Variants in DAB1 observed in about 807,000 individuals in gnomAD.
DAB1 encodes DAB adaptor protein 1, also known as disabled homolog 1.
Under a neutral mutation model 64.6 loss-of-function variants are expected in DAB1, and 15 were observed. That is an observed-to-expected ratio of 0.23 (90% CI 0.16 to 0.36). The LOEUF (loss-of-function observed/expected upper bound fraction) is 0.36, where lower values mean the gene tolerates loss of function less well. Among genes scored for constraint, DAB1 ranks in the 10% least tolerant of loss-of-function variants. DAB1 has a pLI of 1.00. For synonymous variants in DAB1, 235 were observed against 251.9 expected (o/e 0.93, Z 0.64); for missense variants, 596 against 706.7 (o/e 0.84, Z 1.78).
At chr1:57,852,523 T>C (rs1434398544) in intron 1 of DAB1, among the ~76,000 whole-genome samples, 2 of 152,068 alleles carry the variant, frequency 1.3e-5, no homozygotes, top group African/African-American at 4.8e-5. Context: ...ACATCACCAC[T>C]GGCAGAAGAA....
intron 6 of DAB1, among the ~76,000 whole-genome samples, chr1:57,818,359 C>T (rs1651964651): frequency 6.6e-6 from 1 of 152,192 alleles, no homozygotes; most frequent in Non-Finnish European, 1.5e-5. Context: ...TGTCCCTAAA[C>T]ATTTCTCTAC....
chr1:57,140,302 T>A (rs149058097), intron 3 of DAB1, among the ~76,000 whole-genome samples: 1 of 152,176 alleles, frequency 6.6e-6, no homozygotes, highest in Non-Finnish European at 1.5e-5. Context: ...TTAGTCAATA[T>A]CACAATCCTG....
chr1:57,193,381 G>GTTTTTTTTTTTTTTT lies in DAB1; in HGVS notation c.68-47967_68-47953dup, dbSNP rs999329119. ...CCTTCCAGATTCATCCGTAGCATATGTTTTTTTTTTTTTTTTTTTTTTTGA... is the reference window on the plus strand; with the variant it reads ...CCTTCCAGATTCATCCGTAGCATATGTTTTTTTTTTTTTTTTTTTTTTTTTTTTTTTTTTTTTTGA... On this transcript the variant is annotated intron_variant, in intron 2 of 14. Coordinates refer to ENST00000371236, the MANE Select transcript of DAB1 (RefSeq NM_001365792.1). Among the ~76,000 whole-genome samples the GTTTTTTTTTTTTTTT allele has an allele frequency of 1.7e-4, 14 of 83,070 alleles. 2 individuals are homozygous for GTTTTTTTTTTTTTTT. Among genetic ancestry groups the GTTTTTTTTTTTTTTT allele is most frequent in the East Asian group, 3.8e-4 (1 of 2,642 alleles). The allele number at this position is 83,070 out of a possible 152,430, so 54.5% of individuals were successfully genotyped here. A position where few individuals can be genotyped will look rare whatever the true frequency, so the allele number is the denominator to read the frequency against.
chr1:57,052,541 A>G (rs1197131560), intron 9 of DAB1, among the ~76,000 whole-genome samples: 1 of 152,226 alleles, frequency 6.6e-6, no homozygotes, highest in Non-Finnish European at 1.5e-5. Context: ...AGGCAACACC[A>G]TAACTCACTT....
At chr1:57,046,916 C>T (rs756944937) in intron 9 of DAB1, among the ~76,000 whole-genome samples, 1 of 152,194 alleles carries the variant, frequency 6.6e-6, no homozygotes, top group African/African-American at 2.4e-5. Context: ...GTCTCAGAGG[C>T]AGTTTGGCCC....
At chr1:57,057,726 G>C (rs1649937345) in intron 9 of DAB1, among the ~76,000 whole-genome samples, 1 of 151,330 alleles carries the variant, frequency 6.6e-6, no homozygotes, top group African/African-American at 2.4e-5. Context: ...TCCTGCCTCA[G>C]CCTCCCAAGC....
intron 2 of DAB1, among the ~76,000 whole-genome samples, chr1:57,286,396 A>T (rs1036919890): frequency 1.3e-5 from 2 of 152,188 alleles, no homozygotes; most frequent in African/African-American, 4.8e-5. Flanking sequence ...AATATCAGGT[A>T]ATAATATAGG....
intron 4 of DAB1, among the ~76,000 whole-genome samples, chr1:58,151,706 A>G (rs2100734037): frequency 6.6e-6 from 1 of 152,326 alleles, no homozygotes; most frequent in South Asian, 2.1e-4. Flanking sequence ...CGGTTCCTGA[A>G]TGCATACTAT....
At chr1:57,025,235 G>A (rs761922803) in intron 10 of DAB1, among the ~76,000 whole-genome samples, 1 of 152,194 alleles carries the variant, frequency 6.6e-6, no homozygotes, top group Non-Finnish European at 1.5e-5. Flanking sequence ...AATTGCTTTT[G>A]AATGCATCCA....
intron 6 of DAB1, among the ~76,000 whole-genome samples, chr1:57,724,316 GAGGA>G (rs1162623224): frequency 1.3e-4 from 14 of 110,340 alleles, no homozygotes; most frequent in Middle Eastern, 4.5e-3. Flanking sequence ...GGGAGGGAGG[GAGGA>G]AGGAAGGAAG....
At chr1:57,497,143 C>G (rs1219826445) in intron 7 of DAB1, among the ~76,000 whole-genome samples, 1 of 152,212 alleles carries the variant, frequency 6.6e-6, no homozygotes, top group Admixed American at 6.5e-5. Flanking sequence ...CTTTCTCTAT[C>G]CAAAATAGCC....
intron 1 of DAB1, among the ~76,000 whole-genome samples, chr1:57,869,976 A>G (rs765916149): frequency 2.0e-5 from 3 of 151,988 alleles, no homozygotes; most frequent in Admixed American, 1.3e-4. Context: ...TTCTTCCCGG[A>G]CTATGTCAAA....
At chr1:57,747,587 A>G (rs1648336723) in intron 6 of DAB1, among the ~76,000 whole-genome samples, 1 of 151,932 alleles carries the variant, frequency 6.6e-6, no homozygotes, top group Non-Finnish European at 1.5e-5. Flanking sequence ...AGGCGGGTGG[A>G]TCACAAGGTC....
At chr1:57,489,066 C>A (rs1443726236) in intron 7 of DAB1, among the ~76,000 whole-genome samples, 8 of 152,176 alleles carry the variant, frequency 5.3e-5, no homozygotes, top group Admixed American at 5.2e-4. Context: ...CTGGGCAAAT[C>A]CTTTGACTCT....
At chr1:57,655,484 C>T (rs1646307401) in intron 6 of DAB1, among the ~76,000 whole-genome samples, 1 of 152,172 alleles carries the variant, frequency 6.6e-6, no homozygotes, top group Non-Finnish European at 1.5e-5. Context: ...ACCCATACAT[C>T]ATTATACTTC....
intron 5 of DAB1, among the ~76,000 whole-genome samples, chr1:58,035,346 GT>G (rs1412149707): frequency 6.6e-6 from 1 of 152,320 alleles, no homozygotes; most frequent in South Asian, 2.1e-4. Flanking sequence ...CAGATAAACA[GT>G]TTTTTGCTGT....
chr1:57,903,976 G>A (rs1034345243), intron 5 of DAB1, among the ~76,000 whole-genome samples: 1 of 152,150 alleles, frequency 6.6e-6, no homozygotes, highest in African/African-American at 2.4e-5. Context: ...ACTATTATGG[G>A]CCTGTCACAT....
At chr1:58,196,787 T>C (rs1347307760) in intron 4 of DAB1, among the ~76,000 whole-genome samples, 1 of 152,182 alleles carries the variant, frequency 6.6e-6, no homozygotes, top group Non-Finnish European at 1.5e-5. Flanking sequence ...ACCACCCCCA[T>C]GATCCAATCA....
chr1:57,890,251 A>G (rs1644291446), intron 5 of DAB1, among the ~76,000 whole-genome samples: 1 of 152,194 alleles, frequency 6.6e-6, no homozygotes, highest in Non-Finnish European at 1.5e-5. Context: ...CCAGTCTTTG[A>G]GGGGGTAATA....
Sources: gnomAD v4.1 joint callset for allele counts (sites outside exome capture counted in the v4.1 genomes callset) on GRCh38, gnomAD v4.1.1 for gene constraint, MANE v1.5 for transcripts, NCBI Gene and HGNC (gene_info 2026-07-23, HGNC 2026-07-21) for gene names.